Variants in GOSR1 observed in about 807,000 individuals in gnomAD.
The protein encoded by GOSR1 is golgi SNAP receptor complex member 1.
In GOSR1, 21 loss-of-function variants were observed where a neutral mutation model predicts 35.5. The observed-to-expected ratio is 0.59, with a 90% CI of 0.42 to 0.85. GOSR1 has a LOEUF of 0.85. Ranked by LOEUF, GOSR1 falls within the 40% of genes least tolerant of loss-of-function variation. The probability of loss-of-function intolerance (pLI) is 0.00; values close to 1 mark genes in which losing one functional copy is unlikely to be tolerated. For missense variants in GOSR1, 285 were observed against 309.6 expected (o/e 0.92, Z 0.60); for synonymous variants, 94 against 106.6 (o/e 0.88, Z 0.73).
At chr17:30,501,530 T>A (rs1597784077) in intron 6 of GOSR1, among the ~76,000 whole-genome samples, 2 of 151,958 alleles carry the variant, frequency 1.3e-5, no homozygotes, top group East Asian at 3.9e-4. Flanking sequence ...AGAGTCTAGC[T>A]GTGTCACCCA....
At chr17:30,512,735 G>A (rs1967660093) in intron 7 of GOSR1, among the ~76,000 whole-genome samples, 2 of 152,062 alleles carry the variant, frequency 1.3e-5, no homozygotes, top group Non-Finnish European at 2.9e-5. Context: ...CATTTTGCCA[G>A]GAATTCTTTA....
chr17:30,477,791 T>C (rs1410003057), intron 1 of GOSR1: 1 of 984,824 alleles, frequency 1.0e-6, no homozygotes, highest in Non-Finnish European at 1.2e-6. Context: ...GGGCTTGGGG[T>C]ACGAACTCTG....
At position 30,481,164 on chromosome 17, in the gene GOSR1, A is replaced by G; in HGVS notation, c.53A>G (p.Gln18Arg). 6.3e-7 allele frequency: 1 copy of G among 1,599,898 alleles called. No individual in the cohort carries two copies. The highest frequency in any genetic ancestry group is 8.6e-7 in the Non-Finnish European group (1 of 1,166,996). ...YWEDLRKQAR[Q>R]LENELDLKLV... ...AAAGATCTCAGGAAACAGGCTCGAC[A>G]GCTGGAAAATGAACTTGACCTGAAA... The change falls in exon 2 of 9, where the codon CAG becomes CGG. Residue 18 changes from glutamine (Q) to arginine (R), a missense_variant. This residue lies in a region of GOSR1 where 108 missense variants were observed against 98.9 expected (regional missense o/e 1.09). Transcript: ENST00000451249.
intron 4 of GOSR1, among the ~76,000 whole-genome samples, chr17:30,489,399 T>C (rs1459701043): frequency 6.6e-6 from 1 of 151,944 alleles, no homozygotes; most frequent in East Asian, 1.9e-4. Context: ...AAAAAGAAAA[T>C]AATAATTTCC....
At chr17:30,499,315 T>C (rs1017174404) in intron 6 of GOSR1, among the ~76,000 whole-genome samples, 4 of 151,942 alleles carry the variant, frequency 2.6e-5, no homozygotes, top group African/African-American at 9.7e-5. Flanking sequence ...TAAACAAAAC[T>C]TTGTGTGGTC....
In GOSR1 at chr17:30,525,359, A is replaced by C. The variant is rs1395438545; in HGVS notation, c.*2981A>C. 2.0e-5 allele frequency: 3 copies of C among 152,126 alleles called. No individual in the cohort carries two copies. The highest frequency in any genetic ancestry group is 4.4e-5 in the Non-Finnish European group (3 of 68,018). 9.4% of individuals were successfully genotyped at this position (152,126 alleles called of 1,614,324 possible). ...CTTAACTATGGGGTTTATTTTTCTA[A>C]ATGTGGGTTGATTGACTGTTAATTG... is the stretch of plus-strand genomic sequence containing the variant. On this transcript the variant is annotated 3_prime_UTR_variant, in exon 9 of 9. Transcript: ENST00000451249.
intron 6 of GOSR1, 47 bp from the exon 7 acceptor site, chr17:30,510,833 T>G (rs1198559173): frequency 7.9e-6 from 8 of 1,015,136 alleles, no homozygotes; most frequent in Non-Finnish European, 7.8e-6. Flanking sequence ...AGGTTTTACA[T>G]GTGCATTTAG....
intron 6 of GOSR1, among the ~76,000 whole-genome samples, chr17:30,496,220 C>T (rs1295609201): frequency 6.6e-6 from 1 of 152,196 alleles, no homozygotes; most frequent in Non-Finnish European, 1.5e-5. Context: ...GTATTTGACT[C>T]TTCAGCCATC....
rs1262931660 is a variant in GOSR1 at position 30,509,554 on chromosome 17, C to A, written c.510-1326C>A. Among the ~76,000 whole-genome samples the A allele has an allele frequency of 2.0e-5, 3 of 152,182 alleles. No homozygotes were observed. The East Asian group carries it at 5.8e-4, about 29-fold the overall frequency. ...AAATAAGTAGTTGGAAAAATACATGCAGATATTTATTTGAGTGCCTACTGT... is the reference window on the plus strand; with the variant it reads ...AAATAAGTAGTTGGAAAAATACATGAAGATATTTATTTGAGTGCCTACTGT... On this transcript the variant is annotated intron_variant, in intron 6 of 8. Transcript: ENST00000451249.
chr17:30,497,087 A>T (rs1967032550), intron 6 of GOSR1, among the ~76,000 whole-genome samples: 1 of 152,214 alleles, frequency 6.6e-6, no homozygotes, highest in Admixed American at 6.5e-5. Context: ...CATATGTATG[A>T]TAAGAACATA....
chr17:30,483,465 C>T lies in GOSR1; in HGVS notation c.147-749C>T, dbSNP rs1295950813. The stretch of plus-strand genomic sequence containing the variant: ...CTTCATGAAGCTTTAATTCTATTGG[C>T]ATATTGTTCTTTTTCATATATCTGG... On this transcript the variant is annotated intron_variant, in intron 2 of 8. Transcript: ENST00000451249. Among the ~76,000 whole-genome samples the T allele has an allele frequency of 4.6e-5, 7 of 152,224 alleles. No homozygotes were observed. In the South Asian group the frequency reaches 1.5e-3, roughly 32 times the overall value.
In GOSR1 at chr17:30,523,522, G is replaced by A. The variant is rs1434424542; in HGVS notation, c.*1144G>A. 1.3e-5 allele frequency: 2 copies of A among 158,614 alleles called. No individual in the cohort carries two copies. The highest frequency in any genetic ancestry group is 2.7e-5 in the Non-Finnish European group (2 of 73,686). 9.8% of individuals were successfully genotyped at this position (158,614 alleles called of 1,614,324 possible). A position where few individuals can be genotyped will look rare whatever the true frequency, so the allele number is the denominator to read the frequency against. On this transcript the variant is annotated 3_prime_UTR_variant, in exon 9 of 9. Transcript: ENST00000451249. Reference sequence around the variant, plus strand: ...GGGCAGCTGCCCCGTCCGGGAGGGAGGTGGGGGGGTCAGCCCCCCGCCCGG... The same window carrying A: ...GGGCAGCTGCCCCGTCCGGGAGGGAAGTGGGGGGGTCAGCCCCCCGCCCGG...
In GOSR1 at chr17:30,489,997, T is replaced by C. The variant is rs1285072302; in HGVS notation, c.343-129T>C. The stretch of plus-strand genomic sequence containing the variant: ...GTAATTTTAAAGTTATTTTTACCTT[T>C]GGTTAATTTGATTTCTTAAATAGCA... On this transcript the variant is annotated intron_variant, in intron 4 of 8. Coordinates refer to ENST00000451249, the MANE Select transcript of GOSR1 (RefSeq NM_001007025.2). 9.0e-5 allele frequency: 54 copies of C among 598,074 alleles called. 1 individual carries two copies. The East Asian group carries it at 1.5e-3, about 17-fold the overall frequency. 37.0% of individuals were successfully genotyped at this position (598,074 alleles called of 1,614,324 possible).
intron 6 of GOSR1, among the ~76,000 whole-genome samples, chr17:30,494,497 T>C (rs1966918988): frequency 6.6e-6 from 1 of 152,212 alleles, no homozygotes; most frequent in Non-Finnish European, 1.5e-5. Context: ...TCTCTTTCTT[T>C]ATGTAATTGT....
At chr17:30,521,614 G>A (rs1011055700) in intron 8 of GOSR1, among the ~76,000 whole-genome samples, 2 of 151,710 alleles carry the variant, frequency 1.3e-5, no homozygotes, top group African/African-American at 4.8e-5. Context: ...CAAAAAAAAT[G>A]GGTGTGGGTC....
rs1968175904 is a variant in GOSR1 at position 30,525,964 on chromosome 17, T to C, written c.*3586T>C. ...ACAGCTAGGCCAGTGCTTTTTCCTC[T>C]TAGGGTTTCTTTGCAGAAAGAAACC... On this transcript the variant is annotated 3_prime_UTR_variant, in exon 9 of 9. Transcript: ENST00000451249. The C allele has an allele frequency of 6.6e-6, 1 of 152,244 alleles. No individual in the cohort carries two copies. The highest frequency in any genetic ancestry group is 1.5e-5 in the Non-Finnish European group (1 of 68,066). 9.4% of individuals were successfully genotyped at this position (152,244 alleles called of 1,614,324 possible). A position where few individuals can be genotyped will look rare whatever the true frequency, so the allele number is the denominator to read the frequency against.
intron 1 of GOSR1, 23 bp downstream of exon 1, chr17:30,477,487 G>C (rs769514124): frequency 2.6e-5 from 42 of 1,605,384 alleles, no homozygotes; most frequent in Non-Finnish European, 3.5e-5. Context: ...AGGCCTCCGG[G>C]TGCGTCCTAC....
intron 6 of GOSR1, among the ~76,000 whole-genome samples, chr17:30,504,629 T>C (rs571285189): frequency 6.6e-6 from 1 of 152,320 alleles, no homozygotes; most frequent in East Asian, 1.9e-4. Context: ...AAATGTCATT[T>C]TCGGAAAGTA....
At chr17:30,481,082 T>C (rs1914314920) in intron 1 of GOSR1, 61 bp from the exon 2 acceptor site, 1 of 1,027,792 alleles carries the variant, frequency 9.7e-7, no homozygotes, top group Non-Finnish European at 1.5e-6. Flanking sequence ...TTTAGAATGG[T>C]GCTGTGATTT....
Sources: allele counts gnomAD v4.1 joint callset (sites outside exome capture counted in the v4.1 genomes callset), GRCh38; gene constraint gnomAD v4.1.1; regional missense constraint gnomAD v4.1.1; transcripts MANE v1.5; gene names NCBI Gene and HGNC (gene_info 2026-07-23, HGNC 2026-07-21).